Variants in DUS2 observed in about 807,000 individuals in gnomAD.
DUS2 encodes the protein tRNA-dihydrouridine(20) synthase [NAD(P)+]-like.
A neutral mutation model predicts 71.3 loss-of-function variants in DUS2; 52 were observed. The observed-to-expected ratio is 0.73, with a 90% CI of 0.58 to 0.92. DUS2 has a LOEUF of 0.92. DUS2 is among the 40% of genes least tolerant of loss of function. The pLI is 0.00. For missense variants in DUS2, 558 were observed against 622.6 expected (o/e 0.90, Z 1.10); for synonymous variants, 204 against 227.8 (o/e 0.90, Z 0.94).
intron 3 of DUS2, 141 bp downstream of exon 3, chr16:68,038,290 CAT>C (rs112586927): frequency 1.6e-4 from 194 of 1,209,712 alleles, no homozygotes; most frequent in African/African-American, 3.2e-4. Context: ...AGGAGACAAA[CAT>C]GTGTGACACT....
intron 2 of DUS2, among the ~76,000 whole-genome samples, chr16:68,032,763 A>T (rs971259354): frequency 6.6e-6 from 1 of 151,664 alleles, no homozygotes; most frequent in Non-Finnish European, 1.5e-5. Context: ...TGAGGTCAGG[A>T]GTTAGCTGGG....
At chr16:68,058,867 A>T (rs2033898023) in intron 7 of DUS2, among the ~76,000 whole-genome samples, 1 of 152,200 alleles carries the variant, frequency 6.6e-6, no homozygotes, top group Admixed American at 6.6e-5. Flanking sequence ...TGTACATACT[A>T]GCTGAATATC....
In DUS2 at chr16:68,034,128, T is replaced by C. The variant is rs7186991; in HGVS notation, c.-18-3878T>C. ...TCACCCAGGCTGGAGTGCAGTGGTA[T>C]GATATCAGCTCAGCTCGGCAACCTC... On this transcript the variant is annotated intron_variant, in intron 2 of 16. Coordinates refer to ENST00000565263, the MANE Select transcript of DUS2 (RefSeq NM_017803.5). Among the ~76,000 whole-genome samples the C allele has an allele frequency of 6.2e-3, 945 of 152,214 alleles. 11 individuals are homozygous for C. The highest frequency in any genetic ancestry group is 0.022 in the African/African-American group (902 of 41,532).
rs1387347213 is a variant in DUS2 at position 68,064,830 on chromosome 16, T to G, written c.418-1487T>G. 8.5e-5 allele frequency among the ~76,000 whole-genome samples: 13 copies of G among 152,244 alleles called. 2 individuals carry two copies. Reference sequence around the variant, plus strand: ...CCTCTTGATCTGATGTCTTCTGGAATGGCCTGCTTCATCCTGTCCCTGATA... The same window carrying G: ...CCTCTTGATCTGATGTCTTCTGGAAGGGCCTGCTTCATCCTGTCCCTGATA... On this transcript the variant is annotated intron_variant, in intron 8 of 16. Coordinates refer to ENST00000565263, the MANE Select transcript of DUS2 (RefSeq NM_017803.5).
chr16:68,061,205 C>A, intron 8 of DUS2, 92 bp downstream of exon 8: 1 of 1,323,482 alleles, frequency 7.6e-7, no homozygotes, highest in Non-Finnish European at 1.1e-6. Flanking sequence ...ACCAGATTTA[C>A]TGATGTCCAC....
At chr16:68,032,582 G>A (rs1203778158) in intron 2 of DUS2, among the ~76,000 whole-genome samples, 1 of 152,210 alleles carries the variant, frequency 6.6e-6, no homozygotes, top group Non-Finnish European at 1.5e-5. Flanking sequence ...CCTTAGCATG[G>A]GCATGCATGA....
At chr16:68,061,021 AG>A (rs764078428) in intron 7 of DUS2, 44 bp from the exon 8 acceptor site, 1 of 1,598,466 alleles carries the variant, frequency 6.3e-7, no homozygotes, top group South Asian at 1.1e-5. Context: ...AGAGGGCCAT[AG>A]TGTCTCCCAG....
intron 15 of DUS2, 52 bp from the exon 16 acceptor site, chr16:68,078,393 G>T (rs962928530): frequency 1.3e-6 from 2 of 1,540,370 alleles, no homozygotes; most frequent in African/African-American, 2.7e-5. Flanking sequence ...CAGCAGTTTG[G>T]CCTACAGGGC....
chr16:68,078,418 A>G, intron 15 of DUS2, 27 bp from the exon 16 acceptor site: 2 of 1,609,430 alleles, frequency 1.2e-6, no homozygotes, highest in South Asian at 1.1e-5. Flanking sequence ...TTCTCTGGCC[A>G]TGTGATTCCT....
intron 2 of DUS2, among the ~76,000 whole-genome samples, chr16:68,036,941 T>C (rs1428917628): frequency 6.6e-6 from 1 of 152,134 alleles, no homozygotes; most frequent in Non-Finnish European, 1.5e-5. Context: ...CATGTTGACT[T>C]CTCTATTTCA....
At chr16:68,044,396 CTT>C (rs1001911267) in intron 3 of DUS2, among the ~76,000 whole-genome samples, 32 of 135,478 alleles carry the variant, frequency 2.4e-4, no homozygotes, top group Admixed American at 6.7e-4. Flanking sequence ...TCTTTAATTT[CTT>C]TTTTTTTTTT....
At chr16:68,046,534 C>A (rs1012234038) in intron 3 of DUS2, among the ~76,000 whole-genome samples, 1 of 152,064 alleles carries the variant, frequency 6.6e-6, no homozygotes, top group Non-Finnish European at 1.5e-5. Flanking sequence ...TGTGCCACCA[C>A]GCTCGGCTAA....
chr16:68,025,023 G>T (rs1313126165), intron 1 of DUS2, among the ~76,000 whole-genome samples: 1 of 151,842 alleles, frequency 6.6e-6, no homozygotes, highest in Non-Finnish European at 1.5e-5. Context: ...ATAGAGACAG[G>T]GTTTCACTAC....
chr16:68,078,067 C>G (rs1343834500), intron 15 of DUS2: 1 of 284,060 alleles, frequency 3.5e-6, no homozygotes, highest in Non-Finnish European at 6.8e-6. Context: ...TTTGCTCCAG[C>G]CAAGTCACCT....
At chr16:68,072,683 G>A (rs1235819638) in intron 12 of DUS2, among the ~76,000 whole-genome samples, 1 of 151,568 alleles carries the variant, frequency 6.6e-6, no homozygotes, top group Non-Finnish European at 1.5e-5. Context: ...GGCCCACGTG[G>A]AGTTACTAGA....
At chr16:68,041,335 A>G (rs73598011) in intron 3 of DUS2, among the ~76,000 whole-genome samples, 2,001 of 152,262 alleles carry the variant, frequency 0.013, 43 homozygotes, top group African/African-American at 0.045. Context: ...AGGAGTGATG[A>G]CAGTTTTTGG....
chr16:68,061,856 G>T (rs1408677102), intron 8 of DUS2, among the ~76,000 whole-genome samples: 1 of 152,202 alleles, frequency 6.6e-6, no homozygotes, highest in African/African-American at 2.4e-5. Context: ...GCCAATGAGA[G>T]CTGCATGGTT....
chr16:68,045,021 G>C (rs2033681271), intron 3 of DUS2, among the ~76,000 whole-genome samples: 1 of 151,546 alleles, frequency 6.6e-6, no homozygotes, highest in Admixed American at 6.6e-5. Flanking sequence ...TTGAACTCCT[G>C]ACCTCAGGCA....
intron 2 of DUS2, among the ~76,000 whole-genome samples, chr16:68,032,874 A>C (rs1023828653): frequency 2.5e-5 from 3 of 121,110 alleles, no homozygotes; most frequent in South Asian, 2.7e-4. Flanking sequence ...GCGCCACTGC[A>C]CTCCAGCCTG....
Sources: allele counts gnomAD v4.1 joint callset (sites outside exome capture counted in the v4.1 genomes callset), GRCh38; gene constraint gnomAD v4.1.1; transcripts MANE v1.5; gene names NCBI Gene and HGNC (gene_info 2026-07-23, HGNC 2026-07-21).